The following CRTC1 variants were observed in gnomAD, a reference collection of about 807,000 sequenced individuals.
The protein encoded by CRTC1 is CREB regulated transcription coactivator 1.
Under a neutral mutation model 66.1 loss-of-function variants are expected in CRTC1, and 18 were observed. The ratio of observed to expected loss-of-function variants is 0.27; its 90% CI spans 0.19 to 0.40. CRTC1 has a LOEUF of 0.40. Ranked by LOEUF, CRTC1 falls within the 10% of genes least tolerant of loss-of-function variation. The pLI is 1.00. For synonymous variants in CRTC1, 416 were observed against 398.8 expected, an observed-to-expected ratio of 1.04 and a Z score of -0.51; for missense variants, 669 against 887.9, an observed-to-expected ratio of 0.75 and a Z score of 3.13.
intron 7 of CRTC1, 137 bp downstream of exon 7, chr19:18,759,728 C>T: frequency 2.1e-6 from 2 of 946,282 alleles, no homozygotes; most frequent in Non-Finnish European, 3.2e-6. Context: ...AGTGACAGAG[C>T]CCCCACATGC....
intron 6 of CRTC1, among the ~76,000 whole-genome samples, 180 bp downstream of exon 6, chr19:18,753,765 A>G (rs1472303735): frequency 6.6e-6 from 1 of 152,178 alleles, no homozygotes; most frequent in Non-Finnish European, 1.5e-5. Flanking sequence ...CACTAAGATC[A>G]CTAACAGCAG....
chr19:18,701,492 C>T (rs552126394), intron 1 of CRTC1, among the ~76,000 whole-genome samples: 1 of 152,286 alleles, frequency 6.6e-6, no homozygotes, highest in Non-Finnish European at 1.5e-5. Context: ...CCTTGTTCAC[C>T]TCTGTGCCTT....
intron 1 of CRTC1, among the ~76,000 whole-genome samples, chr19:18,685,766 G>A (rs1445557690): frequency 6.6e-6 from 1 of 152,188 alleles, no homozygotes; most frequent in African/African-American, 2.4e-5. Context: ...TTTGTCTCCA[G>A]CACATGGTGT....
chr19:18,706,978 G>A lies in CRTC1; in HGVS notation c.126+23150G>A, dbSNP rs552412017. ...ATTCGCAAATATTTTCTCTCATTCC[G>A]TGGGAATGGGGCCTTTTCACTCTGT... On this transcript the variant is annotated intron_variant, in intron 1 of 13. Transcript: ENST00000321949. Among the ~76,000 whole-genome samples, 98 of 152,134 alleles carry A rather than the reference G, an allele frequency of 6.4e-4. 1 individual carries two copies. The highest frequency in any genetic ancestry group is 2.3e-3 in the African/African-American group (95 of 41,514).
intron 1 of CRTC1, among the ~76,000 whole-genome samples, chr19:18,703,921 T>C (rs1220349473): frequency 3.3e-5 from 5 of 152,174 alleles, no homozygotes; most frequent in Non-Finnish European, 7.3e-5. Context: ...AGTCAAAGCA[T>C]CTCCTTTGAT....
At chr19:18,701,093 G>A (rs1455747494) in intron 1 of CRTC1, among the ~76,000 whole-genome samples, 1 of 152,246 alleles carries the variant, frequency 6.6e-6, no homozygotes, top group Admixed American at 6.5e-5. Context: ...CGCCCAGGCG[G>A]CCTCGGCCTC....
rs56040769 is a variant in CRTC1 at position 18,747,129 on chromosome 19, A to ACCCCCCCCCCCCCCCCCCCCC, written c.443+25_443+26insCCCCCCCCCCCCCCCCCCCCC. 1.8e-6 allele frequency: 2 copies of ACCCCCCCCCCCCCCCCCCCCC among 1,109,970 alleles called. No homozygotes were observed. Among genetic ancestry groups the ACCCCCCCCCCCCCCCCCCCCC allele is most frequent in the Admixed American group, 2.3e-5 (1 of 44,282 alleles). The allele number at this position is 1,109,970 out of a possible 1,614,324, so 68.8% of individuals were successfully genotyped here. A position where few individuals can be genotyped will look rare whatever the true frequency, so the allele number is the denominator to read the frequency against. ...AGCTGGAGAAGGTCAGTGGCTGGACACCCCCCCCCCGCCCCCTTCTTGTTG... is the reference window on the plus strand; with the variant it reads ...AGCTGGAGAAGGTCAGTGGCTGGACACCCCCCCCCCCCCCCCCCCCCCCCCCCCCCCGCCCCCTTCTTGTTG... On this transcript the variant is annotated intron_variant, in intron 4 of 13. Transcript: ENST00000321949.
chr19:18,743,415 G>A (rs1474179710), intron 2 of CRTC1, among the ~76,000 whole-genome samples: 8 of 152,374 alleles, frequency 5.3e-5, no homozygotes, highest in African/African-American at 1.7e-4. Flanking sequence ...GTCTGCAAAC[G>A]TTTCTTGGCA....
In CRTC1 at chr19:18,782,119, C is replaced by T. The variant is rs2055114872; in HGVS notation, c.*4737C>T. Reference sequence around the variant, plus strand: ...TCCGAGCCCTGTTCCTGCCTGTGCTCCTCTGTGCCCAGGCTGGCTCTCCCC... The same window carrying T: ...TCCGAGCCCTGTTCCTGCCTGTGCTTCTCTGTGCCCAGGCTGGCTCTCCCC... On this transcript the variant is annotated 3_prime_UTR_variant, in exon 14 of 14. Coordinates refer to ENST00000321949, the MANE Select transcript of CRTC1 (RefSeq NM_015321.3). The T allele has an allele frequency of 8.9e-6, 2 of 224,578 alleles. No individual in the cohort carries two copies. Among genetic ancestry groups the T allele is most frequent in the East Asian group, 6.4e-5 (1 of 15,662 alleles). 13.9% of individuals were successfully genotyped at this position (224,578 alleles called of 1,614,324 possible).
intron 8 of CRTC1, among the ~76,000 whole-genome samples, chr19:18,764,197 G>A (rs1237698100): frequency 2.0e-5 from 3 of 152,188 alleles, no homozygotes; most frequent in Admixed American, 6.5e-5. Flanking sequence ...CCACGCACCC[G>A]CCGTCTCATC....
At position 18,768,925 on chromosome 19, in the gene CRTC1, A is replaced by T. The variant is rs900359072; in HGVS notation, c.1320+132A>T. 1 of 1,171,210 alleles carries T rather than the reference A, an allele frequency of 8.5e-7. No homozygotes were observed. The highest frequency in any genetic ancestry group is 1.2e-6 in the Non-Finnish European group (1 of 853,164). The allele number at this position is 1,171,210 out of a possible 1,614,324, so 72.6% of individuals were successfully genotyped here. On this transcript the variant is annotated intron_variant, in intron 10 of 13. Transcript: ENST00000321949. This position sits in a 1 kb window ranked among gnomAD's most constrained non-coding sequence, Gnocchi z 5.6. ...ACCCCAGCGAACGCTGCCTGGGCCC[A>T]CCTCTCCACGGGGCTACCCCTTGGA...
intron 1 of CRTC1, among the ~76,000 whole-genome samples, chr19:18,685,153 GTTGT>G (rs1329860521): frequency 1.3e-5 from 2 of 152,102 alleles, no homozygotes; most frequent in South Asian, 2.1e-4. Context: ...TTTGTAACTA[GTTGT>G]TTGTTTCTCT....
intron 1 of CRTC1, among the ~76,000 whole-genome samples, chr19:18,736,360 A>G (rs1372453462): frequency 2.0e-5 from 3 of 150,398 alleles, no homozygotes; most frequent in African/African-American, 7.5e-5. Context: ...GGATCCAGGT[A>G]CATCCTGTGC....
chr19:18,720,123 A>G (rs1258585651), intron 1 of CRTC1, among the ~76,000 whole-genome samples: 2 of 152,128 alleles, frequency 1.3e-5, no homozygotes, highest in African/African-American at 2.4e-5. Flanking sequence ...GCACCAAGAG[A>G]TGTGTTTTGA....
At chr19:18,686,962 C>G (rs925824487) in intron 1 of CRTC1, among the ~76,000 whole-genome samples, 1 of 148,492 alleles carries the variant, frequency 6.7e-6, no homozygotes, top group African/African-American at 2.5e-5. Flanking sequence ...ATGGCCCCAT[C>G]GTGTGGAATA....
At chr19:18,748,515 T>C (rs1045207989) in intron 4 of CRTC1, among the ~76,000 whole-genome samples, 3 of 144,634 alleles carry the variant, frequency 2.1e-5, no homozygotes, top group African/African-American at 7.6e-5. Flanking sequence ...CCACTGTGCC[T>C]GGCTGTTATA....
At chr19:18,742,366 A>G (rs1311348734) in intron 1 of CRTC1, among the ~76,000 whole-genome samples, 1 of 152,118 alleles carries the variant, frequency 6.6e-6, no homozygotes, top group African/African-American at 2.4e-5. Flanking sequence ...GACCCTCTAG[A>G]ACTCAAGCTG....
intron 1 of CRTC1, among the ~76,000 whole-genome samples, chr19:18,726,907 C>T (rs1600856040): frequency 8.6e-6 from 1 of 116,050 alleles, no homozygotes; most frequent in African/African-American, 3.4e-5. Flanking sequence ...GCCTAGGTAA[C>T]AGAGAAAGAC....
chr19:18,688,903 C>G (rs1028176686), intron 1 of CRTC1, among the ~76,000 whole-genome samples: 2 of 152,132 alleles, frequency 1.3e-5, no homozygotes, highest in African/African-American at 4.8e-5. Context: ...TTCCCACTCC[C>G]CCTTGCCCAG....
Sources: allele counts gnomAD v4.1 joint callset (sites outside exome capture counted in the v4.1 genomes callset), GRCh38; gene constraint gnomAD v4.1.1; non-coding constraint Gnocchi (gnomAD v3.1); transcripts MANE v1.5; gene names NCBI Gene and HGNC (gene_info 2026-07-23, HGNC 2026-07-21).